WDR20: variants seen among roughly 807,000 people sequenced by gnomAD.
The protein encoded by WDR20 is WD repeat domain 20, also known as WD repeat-containing protein 20.
WDR20 carries 3 observed loss-of-function variants against 38.7 expected under a neutral mutation model. The observed-to-expected ratio is 0.08, with a 90% CI of 0.04 to 0.20. The LOEUF is 0.20. WDR20 is among the 10% of genes least tolerant of loss of function. The pLI is 1.00. For missense variants in WDR20, 559 were observed against 727.7 expected, an observed-to-expected ratio of 0.77 and a Z score of 2.67; for synonymous variants, 298 against 285.6, an observed-to-expected ratio of 1.04 and a Z score of -0.44.
downstream of WDR20, chr14:102,212,978 G>A (rs188180460): frequency 3.0e-5 from 30 of 1,004,428 alleles, no homozygotes; most frequent in East Asian, 2.9e-3. Context: ...AGGCTCAGAC[G>A]AAAGTCAGGT....
chr14:102,218,226 A>C (rs2063464322), downstream of WDR20, among the ~76,000 whole-genome samples: 1 of 152,342 alleles, frequency 6.6e-6, no homozygotes, highest in South Asian at 2.1e-4. Context: ...GAATGACCAG[A>C]GAGGGTATTG....
chr14:102,156,200 G>A (rs1257674154), intron 1 of WDR20, among the ~76,000 whole-genome samples: 2 of 147,598 alleles, frequency 1.4e-5, no homozygotes, highest in South Asian at 2.2e-4. Context: ...CGGAGTCTTG[G>A]TCTGTGCCCC....
chr14:102,222,567 AG>A lies in WDR20; in HGVS notation c.1693-260del, dbSNP rs1185922271. On this transcript the variant is annotated intron_variant, in intron 3 of 3. Transcript: ENST00000335263. The surrounding 1 kb of genome is among the most constrained non-coding windows in gnomAD (Gnocchi z 4.4). ...TGCTGAGAAACCACTGTCTCCCCCA[AG>A]GGCAAGGCCAGCCCTGCCCGCCCTT... 6.6e-6 allele frequency among the ~76,000 whole-genome samples: 1 copy of A among 152,162 alleles called. No homozygotes were observed. Among genetic ancestry groups the A allele is most frequent in the Admixed American group, 6.5e-5 (1 of 15,278 alleles).
chr14:102,192,290 C>T (rs1183289096), intron 1 of WDR20, among the ~76,000 whole-genome samples: 1 of 152,040 alleles, frequency 6.6e-6, no homozygotes, highest in African/African-American at 2.4e-5. Flanking sequence ...AGCGATTCTC[C>T]TGTCTCAGCC....
chr14:102,165,744 C>G (rs2059639785), intron 1 of WDR20, among the ~76,000 whole-genome samples: 1 of 151,180 alleles, frequency 6.6e-6, no homozygotes. Context: ...TCAGGTGATC[C>G]TCCCACCTCA....
At position 102,209,400 on chromosome 14, in the gene WDR20, T is replaced by A; in HGVS notation, c.1230T>A (p.Pro410=). The change falls in exon 3 of 3, where the codon CCT becomes CCA. Residue 410 remains proline, a synonymous_variant. Transcript: ENST00000342702. This position sits in a 1 kb window ranked among gnomAD's most constrained non-coding sequence, Gnocchi z 6.0. ...HTNVMNATSP[P]AGSNGNSVTT... is the part of the protein sequence containing the mutation. ...ATGTCATGAATGCCACGAGTCCTCC[T>A]GCTGGAAGCAATGGGAACAGTGTTA... 1.2e-6 allele frequency: 2 copies of A among 1,614,218 alleles called. No individual in the cohort carries two copies. Among genetic ancestry groups the A allele is most frequent in the Non-Finnish European group, 1.7e-6 (2 of 1,180,042 alleles).
At chr14:102,195,575 T>A (rs2059276173) in intron 2 of WDR20, among the ~76,000 whole-genome samples, 1 of 152,242 alleles carries the variant, frequency 6.6e-6, no homozygotes, top group African/African-American at 2.4e-5. Context: ...CTTCACTTGC[T>A]CTTGAAAATA....
Position 102,209,436 on chromosome 14 carries a change from G to A in WDR20, c.1266G>A (p.Gly422=), listed in dbSNP as rs952705668. Residue 422 remains glycine (G), a synonymous_variant, in exon 3 of 3, where the codon GGG becomes GGA. Coordinates refer to ENST00000342702, the MANE Select transcript of WDR20 (RefSeq NM_144574.4). The surrounding 1 kb of genome is among the most constrained non-coding windows in gnomAD (Gnocchi z 6.0). Reference sequence around the variant, plus strand: ...ATGGGAACAGTGTTACAACACCCGGGAACTCTGTGCCGCCTCCTCTGCCAC... The same window carrying A: ...ATGGGAACAGTGTTACAACACCCGGAAACTCTGTGCCGCCTCCTCTGCCAC... ...GSNGNSVTTP[G]NSVPPPLPRS... 4 of 1,614,158 alleles carry A rather than the reference G, an allele frequency of 2.5e-6. No individual in the cohort carries two copies. The highest frequency in any genetic ancestry group is 1.7e-5 in the Admixed American group (1 of 60,014).
At chr14:102,210,722 TGGTTTTTTGCCGGGGGCGG>T (rs2062378544), downstream of WDR20, among the ~76,000 whole-genome samples, 1 of 142,976 alleles carries the variant, frequency 7.0e-6, no homozygotes, top group African/African-American at 2.6e-5. Context: ...AGGAGTTTTT[TGGTTTTTTGCCGGGGGCGG>T]GGAGGTGCGG....
intron 1 of WDR20, among the ~76,000 whole-genome samples, chr14:102,183,212 G>A (rs1290651578): frequency 2.0e-5 from 3 of 152,208 alleles, no homozygotes; most frequent in Non-Finnish European, 2.9e-5. Context: ...CGATGAAGGC[G>A]AGATCAAAGC....
intron 1 of WDR20, among the ~76,000 whole-genome samples, chr14:102,170,213 C>T (rs1456734434): frequency 6.6e-6 from 1 of 152,136 alleles, no homozygotes; most frequent in Admixed American, 6.6e-5. Context: ...TACAATATCC[C>T]ATTGTGTACA....
intron 1 of WDR20, among the ~76,000 whole-genome samples, chr14:102,166,974 G>A (rs753039716): frequency 1.2e-4 from 18 of 152,198 alleles, no homozygotes; most frequent in Non-Finnish European, 2.2e-4. Flanking sequence ...CTGGAGAGCA[G>A]TCAGTGATCT....
At chr14:102,190,663 G>T (rs1236348182) in intron 1 of WDR20, among the ~76,000 whole-genome samples, 1 of 151,854 alleles carries the variant, frequency 6.6e-6, no homozygotes, top group African/African-American at 2.4e-5. Flanking sequence ...ACCCTGGAGG[G>T]CAGGGGTGCT....
intron 2 of WDR20, among the ~76,000 whole-genome samples, chr14:102,204,265 A>G (rs1464607571): frequency 6.6e-6 from 1 of 152,082 alleles, no homozygotes; most frequent in African/African-American, 2.4e-5. Flanking sequence ...CACTTCCCCA[A>G]ACATCCTCTT....
intron 1 of WDR20, among the ~76,000 whole-genome samples, chr14:102,162,585 CTT>C (rs1353335274): frequency 1.3e-5 from 2 of 149,964 alleles, no homozygotes; most frequent in African/African-American, 2.5e-5. Flanking sequence ...CTCTCTCTCT[CTT>C]TCTTTCTTTT....
Position 102,139,919 on chromosome 14 carries a change from C to T in WDR20, c.-5C>T. 4.3e-6 allele frequency: 7 copies of T among 1,611,928 alleles called. No individual in the cohort carries two copies. Among genetic ancestry groups the T allele is most frequent in the Middle Eastern group, 1.7e-4 (1 of 6,054 alleles). ...CTTAGGGCAGGATGAACGCTGCTTT[C>T]CAAGATGGCGACGGAGGGAGGAGGG... On this transcript the variant is annotated 5_prime_UTR_variant, in exon 1 of 3. Transcript: ENST00000342702.
intron 1 of WDR20, among the ~76,000 whole-genome samples, chr14:102,166,939 A>C (rs1237674545): frequency 6.6e-6 from 1 of 152,204 alleles, no homozygotes; most frequent in Non-Finnish European, 1.5e-5. Flanking sequence ...CTCCTGGTCC[A>C]CTGTTGCTCC....
In WDR20 at chr14:102,187,409, TGG is replaced by T. The variant is rs138702000; in HGVS notation, c.250-7521_250-7520del. Among the ~76,000 whole-genome samples, 5 of 150,614 alleles carry T rather than the reference TGG, an allele frequency of 3.3e-5. No individual in the cohort carries two copies. The South Asian group carries it at 6.3e-4, about 19-fold the overall frequency. On this transcript the variant is annotated intron_variant, in intron 1 of 2. Coordinates refer to ENST00000342702, the MANE Select transcript of WDR20 (RefSeq NM_144574.4). ...GTCTGGAAGAATGTCACACATAGGCTGGGGGGGGGCTCAGGAGGACATGACAT... is the reference window on the plus strand; with the variant it reads ...GTCTGGAAGAATGTCACACATAGGCTGGGGGGGCTCAGGAGGACATGACAT...
downstream of WDR20, among the ~76,000 whole-genome samples, chr14:102,219,820 C>G (rs968575047): frequency 6.6e-6 from 1 of 152,210 alleles, no homozygotes; most frequent in Admixed American, 6.5e-5. Context: ...CCCCCAGTTC[C>G]GTTATGCCAG....
Sources: allele counts gnomAD v4.1 joint callset (sites outside exome capture counted in the v4.1 genomes callset), GRCh38; gene constraint gnomAD v4.1.1; non-coding constraint Gnocchi (gnomAD v3.1); transcripts MANE v1.5; gene names NCBI Gene and HGNC (gene_info 2026-07-23, HGNC 2026-07-21).